Variants in NTM observed in about 807,000 individuals in gnomAD.
NTM encodes neurotrimin.
NTM carries 13 observed loss-of-function variants against 42.1 expected under a neutral mutation model. The ratio of observed to expected loss-of-function variants is 0.31; its 90% CI spans 0.20 to 0.49. The LOEUF (loss-of-function observed/expected upper bound fraction) is 0.49. Among genes scored for constraint, NTM ranks in the 20% least tolerant of loss-of-function variants. NTM has a pLI of 0.99. For missense variants in NTM, 373 were observed against 452.8 expected (o/e 0.82, Z 1.60); for synonymous variants, 187 against 179.2 (o/e 1.04, Z -0.35).
intron 3 of NTM, among the ~76,000 whole-genome samples, chr11:132,183,991 C>T (rs925336489): frequency 7.9e-5 from 12 of 151,968 alleles, no homozygotes; most frequent in Middle Eastern, 3.2e-3. Flanking sequence ...AAAAAAGGAC[C>T]GACCGTGTCT....
intron 2 of NTM, among the ~76,000 whole-genome samples, chr11:131,952,512 A>T (rs2061123110): frequency 6.6e-6 from 1 of 152,154 alleles, no homozygotes; most frequent in South Asian, 2.1e-4. Context: ...TTTTATTTAC[A>T]CACTCTCTCT....
At chr11:132,268,864 A>C (rs949573624) in intron 4 of NTM, among the ~76,000 whole-genome samples, 3 of 152,104 alleles carry the variant, frequency 2.0e-5, no homozygotes, top group Non-Finnish European at 4.4e-5. Flanking sequence ...GGTGAGTCTC[A>C]GTGGGCAGCC....
chr11:132,238,517 C>G (rs902603557), intron 4 of NTM, among the ~76,000 whole-genome samples: 13 of 68,990 alleles, frequency 1.9e-4, no homozygotes, highest in African/African-American at 7.0e-4. Flanking sequence ...CCACAGCAAC[C>G]CACAATAGAC....
At chr11:131,382,444 T>C (rs980098460) in intron 1 of NTM, among the ~76,000 whole-genome samples, 1 of 152,172 alleles carries the variant, frequency 6.6e-6, no homozygotes, top group African/African-American at 2.4e-5. Context: ...CAAGATGACA[T>C]AGCAGTTGTA....
intron 1 of NTM, 104 bp from the exon 2 acceptor site, chr11:131,911,460 G>T (rs767861143): frequency 2.6e-4 from 424 of 1,613,864 alleles, no homozygotes; most frequent in Middle Eastern, 3.3e-4. Context: ...GCCGGAGTTC[G>T]GGGAAGTTGT....
chr11:132,108,879 A>G (rs1333055163), intron 2 of NTM, among the ~76,000 whole-genome samples: 1 of 151,946 alleles, frequency 6.6e-6, no homozygotes, highest in Non-Finnish European at 1.5e-5. Flanking sequence ...GACAGGCCCC[A>G]GTGTGTGATG....
chr11:131,809,456 T>G (rs61901643), intron 1 of NTM, among the ~76,000 whole-genome samples: 8,403 of 152,294 alleles, frequency 0.055, 337 homozygotes, highest in Non-Finnish European at 0.087. Flanking sequence ...AGCTGATCAC[T>G]GCTGTGGCCC....
chr11:132,269,737 T>C (rs2093387392), intron 4 of NTM, among the ~76,000 whole-genome samples: 1 of 152,204 alleles, frequency 6.6e-6, no homozygotes, highest in Admixed American at 6.5e-5. Flanking sequence ...CAGTCATTGT[T>C]GACTGGGGGC....
At chr11:131,800,150 T>C (rs2091979954) in intron 1 of NTM, among the ~76,000 whole-genome samples, 1 of 152,240 alleles carries the variant, frequency 6.6e-6, no homozygotes, top group African/African-American at 2.4e-5. Context: ...AAAGTACACG[T>C]ACTTACAAAG....
intron 1 of NTM, among the ~76,000 whole-genome samples, chr11:131,674,595 A>T (rs777229746): frequency 6.6e-6 from 1 of 152,206 alleles, no homozygotes; most frequent in Non-Finnish European, 1.5e-5. Flanking sequence ...ATTTGAAGTC[A>T]TTCATTGCTA....
intron 1 of NTM, among the ~76,000 whole-genome samples, chr11:131,690,456 T>C (rs2074512298): frequency 6.6e-6 from 1 of 152,026 alleles, no homozygotes; most frequent in Admixed American, 6.5e-5. Context: ...ACTGTGGAGA[T>C]GCTGCACGGG....
At chr11:132,050,605 A>ATC (rs2078718023) in intron 2 of NTM, among the ~76,000 whole-genome samples, 1 of 152,092 alleles carries the variant, frequency 6.6e-6, no homozygotes, top group South Asian at 2.1e-4. Flanking sequence ...TTCCAAGGAG[A>ATC]GGTGCGTGCT....
intron 2 of NTM, among the ~76,000 whole-genome samples, chr11:132,044,249 C>T (rs1445428749): frequency 6.6e-6 from 1 of 152,054 alleles, no homozygotes; most frequent in Non-Finnish European, 1.5e-5. Flanking sequence ...TAACTTGTGG[C>T]ACTTCAGTCT....
intron 1 of NTM, among the ~76,000 whole-genome samples, chr11:131,569,509 C>T (rs1268082931): frequency 6.6e-6 from 1 of 151,344 alleles, no homozygotes. Context: ...CTTTTAATGA[C>T]ATTTTTTATT....
At chr11:131,549,342 AC>A (rs1395683117) in intron 1 of NTM, among the ~76,000 whole-genome samples, 80 of 152,092 alleles carry the variant, frequency 5.3e-4, no homozygotes, top group Non-Finnish European at 2.4e-4. Context: ...CTAGGGTCAC[AC>A]CCTATATAGA....
chr11:131,379,087 C>G (rs904138092), intron 1 of NTM, among the ~76,000 whole-genome samples: 13 of 152,288 alleles, frequency 8.5e-5, no homozygotes, highest in African/African-American at 3.1e-4. Flanking sequence ...TCTGGGTAAC[C>G]CACACACCCA....
rs578204858 is a variant in NTM, at chr11:131,393,941, C to T, written c.82+23053C>T. 3.1e-4 allele frequency among the ~76,000 whole-genome samples: 47 copies of T among 152,146 alleles called. 1 individual carries two copies. The highest frequency in any genetic ancestry group is 8.7e-4 in the African/African-American group (36 of 41,420). On this transcript the variant is annotated intron_variant, in intron 1 of 8. Transcript: ENST00000683400. The stretch of plus-strand genomic sequence containing the variant: ...AGAAATGTAAATGGCCAATGCAAGC[C>T]GATTAATCCTAGATGTACAATTCCA...
At chr11:131,708,255 A>T (rs1382355517) in intron 1 of NTM, among the ~76,000 whole-genome samples, 3 of 152,178 alleles carry the variant, frequency 2.0e-5, no homozygotes, top group Non-Finnish European at 4.4e-5. Flanking sequence ...ATAGTAAAAT[A>T]AACTGAAAAT....
chr11:131,454,150 G>T (rs1372518048), intron 1 of NTM, among the ~76,000 whole-genome samples: 1 of 148,594 alleles, frequency 6.7e-6, no homozygotes, highest in Non-Finnish European at 1.5e-5. Flanking sequence ...AAGATCTTTT[G>T]AGAGGGAGAT....
Sources: allele counts gnomAD v4.1 joint callset (sites outside exome capture counted in the v4.1 genomes callset), GRCh38; gene constraint gnomAD v4.1.1; transcripts MANE v1.5; gene names NCBI Gene and HGNC (gene_info 2026-07-23, HGNC 2026-07-21).